Variants in RALGAPA1 observed in about 807,000 individuals in gnomAD.
RALGAPA1 encodes the protein ral GTPase-activating protein subunit alpha-1.
A neutral mutation model predicts 269.6 loss-of-function variants in RALGAPA1; 52 were observed. That is an observed-to-expected ratio of 0.19 (90% CI 0.15 to 0.24). The LOEUF (loss-of-function observed/expected upper bound fraction) is 0.24, where lower values mean the gene tolerates loss of function less well. Among genes scored for constraint, RALGAPA1 ranks in the 10% least tolerant of loss-of-function variants. The probability of loss-of-function intolerance (pLI) is 1.00; values close to 1 mark genes in which losing one functional copy is unlikely to be tolerated. For synonymous variants in RALGAPA1, 817 were observed against 1,008.3 expected (o/e 0.81, Z 3.60); for missense variants, 1,917 against 3,013.9 (o/e 0.64, Z 8.52).
chr14:35,566,229 T>C (rs1223817753), intron 39 of RALGAPA1, among the ~76,000 whole-genome samples: 1 of 152,196 alleles, frequency 6.6e-6, no homozygotes, highest in Non-Finnish European at 1.5e-5. Flanking sequence ...AGGAGAGGTT[T>C]CAGCTTGAAA....
At chr14:35,596,749 A>C (rs1482913099) in intron 36 of RALGAPA1, among the ~76,000 whole-genome samples, 1 of 152,200 alleles carries the variant, frequency 6.6e-6, no homozygotes, top group African/African-American at 2.4e-5. Flanking sequence ...GCATTAAAAA[A>C]GCACACCAAA....
At chr14:35,562,865 C>G (rs568975201) in intron 39 of RALGAPA1, among the ~76,000 whole-genome samples, 1 of 150,860 alleles carries the variant, frequency 6.6e-6, no homozygotes, top group Non-Finnish European at 1.5e-5. Flanking sequence ...ACTAAAAATA[C>G]AAAAAATTAG....
chr14:35,645,346 G>GGTGGGTGTGTGTGTGTGTGTGT (rs1555387899), intron 31 of RALGAPA1, among the ~76,000 whole-genome samples: 2 of 129,488 alleles, frequency 1.5e-5, no homozygotes, highest in Non-Finnish European at 3.2e-5. Flanking sequence ...TATAGAGATG[G>GGTGGGTGTGTGTGTGTGTGTGT]GTGTGTGTGT....
intron 26 of RALGAPA1, among the ~76,000 whole-genome samples, chr14:35,665,257 C>T (rs1444779869): frequency 6.6e-6 from 1 of 152,172 alleles, no homozygotes; most frequent in African/African-American, 2.4e-5. Context: ...GCCTATACCA[C>T]TTACTAGAAG....
chr14:35,605,240 C>T (rs1460882053), intron 36 of RALGAPA1, among the ~76,000 whole-genome samples: 2 of 152,084 alleles, frequency 1.3e-5, no homozygotes, highest in Non-Finnish European at 2.9e-5. Flanking sequence ...TTCCTCAAAA[C>T]TGTGTATACC....
At chr14:35,757,880 T>C (rs1484786136) in intron 6 of RALGAPA1, among the ~76,000 whole-genome samples, 1 of 152,198 alleles carries the variant, frequency 6.6e-6, no homozygotes, top group African/African-American at 2.4e-5. Flanking sequence ...ATACATGGTA[T>C]GTTATTCTGC....
chr14:35,603,011 G>A (rs1262207769), intron 36 of RALGAPA1, among the ~76,000 whole-genome samples: 1 of 152,082 alleles, frequency 6.6e-6, no homozygotes, highest in Admixed American at 6.6e-5. Flanking sequence ...TTCTCCATTG[G>A]ATGGTTGTGG....
At chr14:35,748,477 C>T in intron 10 of RALGAPA1, 108 bp downstream of exon 10, 1 of 1,303,114 alleles carries the variant, frequency 7.7e-7, no homozygotes. Context: ...GCCTCCTGAA[C>T]AACTACAACT....
In RALGAPA1 at chr14:35,703,358, G is replaced by C. The variant is rs145364940; in HGVS notation, c.2267-3056C>G. Among the ~76,000 whole-genome samples, 9 of 152,180 alleles carry C rather than the reference G, an allele frequency of 5.9e-5. No homozygotes were observed. In the East Asian group the frequency reaches 1.7e-3, roughly 29 times the overall value. On this transcript the variant is annotated intron_variant, in intron 16 of 41. Coordinates refer to ENST00000680220, the MANE Select transcript of RALGAPA1 (RefSeq NM_001346249.2). Reference sequence around the variant, plus strand: ...CTGGGTGTGGTGGTGCCTCCCTGTGGTCCCAGCTACTCCGATGGCTGGAGG... The same window carrying C: ...CTGGGTGTGGTGGTGCCTCCCTGTGCTCCCAGCTACTCCGATGGCTGGAGG...
At chr14:35,681,825 A>T (rs975206532) in intron 21 of RALGAPA1, among the ~76,000 whole-genome samples, 1 of 152,180 alleles carries the variant, frequency 6.6e-6, no homozygotes, top group African/African-American at 2.4e-5. Context: ...ATCCTTCCCA[A>T]GTAAGTGGTG....
rs1332137778 is a variant in RALGAPA1, at chr14:35,760,951, T to C, written c.425A>G (p.Asn142Ser). 43 of 1,611,432 alleles carry C rather than the reference T, an allele frequency of 2.7e-5. No homozygotes were observed. The highest frequency in any genetic ancestry group is 3.4e-5 in the Non-Finnish European group (40 of 1,178,292). Residue 142 changes from asparagine (N) to serine (S), a missense_variant, in exon 6 of 42, where the codon AAC becomes AGC. Coordinates refer to ENST00000680220, the MANE Select transcript of RALGAPA1 (RefSeq NM_001346249.2). ...FLLWLQALQNNCSKEQLWMFS... is the reference protein window; with the variant it reads ...FLLWLQALQNSCSKEQLWMFS... ...CATCCAGAGCTGTTCTTTGCTACAGTTATTCTGAAGAGCTTGCAACCATAG... is the reference window on the plus strand; with the variant it reads ...CATCCAGAGCTGTTCTTTGCTACAGCTATTCTGAAGAGCTTGCAACCATAG...
intron 1 of RALGAPA1, among the ~76,000 whole-genome samples, chr14:35,778,696 C>T (rs1007829226): frequency 6.6e-6 from 1 of 152,190 alleles, no homozygotes; most frequent in Admixed American, 6.5e-5. Flanking sequence ...GAAAAGACTG[C>T]ATAACCTACT....
rs746360344 is a variant in RALGAPA1, at chr14:35,749,074, AG to A, written c.1012-251del. ...GGTAATTAATCATCTACCCACCTAT[AG>A]TTATATATTCTTCTCAGTAAGTTTG... On this transcript the variant is annotated intron_variant, in intron 9 of 41. Transcript: ENST00000680220. Among the ~76,000 whole-genome samples, 10 of 152,296 alleles carry A rather than the reference AG, an allele frequency of 6.6e-5. 1 individual carries two copies. Among genetic ancestry groups the A allele is most frequent in the African/African-American group, 1.7e-4 (7 of 41,584 alleles).
chr14:35,678,734 A>G lies in RALGAPA1; in HGVS notation c.4472-632T>C, dbSNP rs1023050508. Among the ~76,000 whole-genome samples, 3 of 152,136 alleles carry G rather than the reference A, an allele frequency of 2.0e-5. No homozygotes were observed. The East Asian group carries it at 5.8e-4, about 29-fold the overall frequency. ...TCCCCACAACCCACCTAGAACTTCT[A>G]TGTCTAGTCATAGAAAGTAAACTAC... On this transcript the variant is annotated intron_variant, in intron 21 of 41. Coordinates refer to ENST00000680220, the MANE Select transcript of RALGAPA1 (RefSeq NM_001346249.2).
chr14:35,624,208 T>TAAA (rs780017500), intron 35 of RALGAPA1, among the ~76,000 whole-genome samples: 1 of 87,102 alleles, frequency 1.1e-5, no homozygotes, highest in Non-Finnish European at 2.3e-5. Context: ...TCCAGTTCCG[T>TAAA]AAAAAAAAAA....
chr14:35,585,154 C>A (rs1334334422), intron 37 of RALGAPA1, among the ~76,000 whole-genome samples: 1 of 152,120 alleles, frequency 6.6e-6, no homozygotes, highest in African/African-American at 2.4e-5. Flanking sequence ...TGCCTAACAA[C>A]AAAGCATCAA....
intron 31 of RALGAPA1, among the ~76,000 whole-genome samples, chr14:35,636,655 G>A (rs1273424264): frequency 6.6e-6 from 1 of 152,062 alleles, no homozygotes; most frequent in East Asian, 1.9e-4. Context: ...TAAGTAACTG[G>A]GATTACAGGC....
chr14:35,764,492 G>T (rs976980402), intron 4 of RALGAPA1, among the ~76,000 whole-genome samples: 5 of 151,980 alleles, frequency 3.3e-5, no homozygotes, highest in Non-Finnish European at 5.9e-5. Context: ...TCATGTTTTT[G>T]TTGGGTGGGG....
Position 35,800,220 on chromosome 14 carries a change from C to T in RALGAPA1, c.106+8510G>A. On this transcript the variant is annotated intron_variant, in intron 1 of 41. Coordinates refer to ENST00000680220, the MANE Select transcript of RALGAPA1 (RefSeq NM_001346249.2). Reference sequence around the variant, plus strand: ...TCAGTAAGGACAGAGAAGACTTGAACAACACTAACAAGCAACTCGTCCTAA... The same window carrying T: ...TCAGTAAGGACAGAGAAGACTTGAATAACACTAACAAGCAACTCGTCCTAA... Among the ~76,000 whole-genome samples, 2 of 152,204 alleles carry T rather than the reference C, an allele frequency of 1.3e-5. 1 individual carries two copies. Among genetic ancestry groups the T allele is most frequent in the Middle Eastern group, 6.3e-3 (2 of 316 alleles).
Sources: allele counts gnomAD v4.1 joint callset (sites outside exome capture counted in the v4.1 genomes callset), GRCh38; gene constraint gnomAD v4.1.1; transcripts MANE v1.5; gene names NCBI Gene and HGNC (gene_info 2026-07-23, HGNC 2026-07-21).